PARD3B: variants seen among roughly 807,000 people sequenced by gnomAD.
The protein encoded by PARD3B is par-3 family cell polarity regulator beta.
A neutral mutation model predicts 130.2 loss-of-function variants in PARD3B; 103 were observed. The observed-to-expected ratio is 0.79, with a 90% confidence interval of 0.67 to 0.93. The LOEUF is 0.93. Among genes scored for constraint, PARD3B ranks in the 40% least tolerant of loss-of-function variants. The pLI is 0.00. For missense variants in PARD3B, 1,609 were observed against 1,499.2 expected, an observed-to-expected ratio of 1.07 and a Z score of -1.21; for synonymous variants, 583 against 553.2, an observed-to-expected ratio of 1.05 and a Z score of -0.76.
In PARD3B at chr2:204,792,271, C is replaced by G. The variant is rs183684150; in HGVS notation, c.222+105989C>G. Among the ~76,000 whole-genome samples, 3 of 152,206 alleles carry G rather than the reference C, an allele frequency of 2.0e-5. No individual in the cohort carries two copies. The East Asian group carries it at 5.8e-4, about 29-fold the overall frequency. On this transcript the variant is annotated intron_variant, in intron 2 of 22. Transcript: ENST00000406610. ...ACTTTATGGGTAAAAGCACAAATAT[C>G]AGAACATATTGTATTTCACCTATCA...
At chr2:205,100,530 C>A (rs1702700875) in intron 4 of PARD3B, among the ~76,000 whole-genome samples, 1 of 151,750 alleles carries the variant, frequency 6.6e-6, no homozygotes, top group African/African-American at 2.4e-5. Flanking sequence ...ATAGCCAAAG[C>A]AATCTTGAAA....
At chr2:205,314,492 C>T (rs920058656) in intron 18 of PARD3B, among the ~76,000 whole-genome samples, 1 of 152,146 alleles carries the variant, frequency 6.6e-6, no homozygotes, top group Non-Finnish European at 1.5e-5. Context: ...ATCAAACCAG[C>T]AATTTAGTAA....
At chr2:205,599,160 A>G (rs897406053) in intron 22 of PARD3B, among the ~76,000 whole-genome samples, 2 of 152,238 alleles carry the variant, frequency 1.3e-5, no homozygotes, top group Non-Finnish European at 2.9e-5. Flanking sequence ...ATTTCTTTCA[A>G]CAGAAAGTGA....
chr2:205,194,745 G>A (rs2036577638), intron 15 of PARD3B, among the ~76,000 whole-genome samples: 1 of 151,856 alleles, frequency 6.6e-6, no homozygotes, highest in African/African-American at 2.4e-5. Context: ...AAAGACATGT[G>A]CAGAATCAAT....
chr2:205,266,852 G>C (rs1447741080), intron 16 of PARD3B, among the ~76,000 whole-genome samples: 1 of 152,088 alleles, frequency 6.6e-6, no homozygotes, highest in Non-Finnish European at 1.5e-5. Flanking sequence ...TTCAGACTCA[G>C]GTTGAGGGAA....
chr2:205,106,429 A>G (rs1341685371), intron 5 of PARD3B, among the ~76,000 whole-genome samples: 4 of 151,996 alleles, frequency 2.6e-5, no homozygotes, highest in Non-Finnish European at 5.9e-5. Flanking sequence ...GATTACAGGC[A>G]TGAGCTACCA....
At chr2:205,095,301 A>T in intron 4 of PARD3B, among the ~76,000 whole-genome samples, 1 of 152,256 alleles carries the variant, frequency 6.6e-6, no homozygotes. Flanking sequence ...GATTATAAAC[A>T]TGTTTATATC....
chr2:205,058,640 CTG>C (rs1243098675), intron 4 of PARD3B, among the ~76,000 whole-genome samples: 3 of 151,902 alleles, frequency 2.0e-5, no homozygotes, highest in Admixed American at 6.6e-5. Context: ...ATCCTAATGA[CTG>C]TGAGGTGATA....
At position 204,689,347 on chromosome 2, in the gene PARD3B, ACTACTT is replaced by A. The variant is rs1324745932; in HGVS notation, c.222+3069_222+3074del. ...GGGGACCAAGTCTCCACTGTGTTAC[ACTACTT>A]CTAGCCTATATGTGTCAAAATATTA... On this transcript the variant is annotated intron_variant, in intron 2 of 22. Coordinates refer to ENST00000406610, the MANE Select transcript of PARD3B (RefSeq NM_001302769.2). The surrounding 1 kb of genome is among the most constrained non-coding windows in gnomAD (Gnocchi z 5.2). 6.6e-6 allele frequency among the ~76,000 whole-genome samples: 1 copy of A among 152,110 alleles called. No individual in the cohort carries two copies. The highest frequency in any genetic ancestry group is 1.5e-5 in the Non-Finnish European group (1 of 68,014).
chr2:205,047,204 A>G (rs1052974683), intron 3 of PARD3B, among the ~76,000 whole-genome samples: 6 of 152,168 alleles, frequency 3.9e-5, no homozygotes, highest in South Asian at 2.1e-4. Flanking sequence ...TTGAATGGCA[A>G]ATTACACTGA....
chr2:205,186,720 T>C (rs562423368), intron 14 of PARD3B, among the ~76,000 whole-genome samples: 1 of 152,316 alleles, frequency 6.6e-6, no homozygotes, highest in Non-Finnish European at 1.5e-5. Context: ...ATTCTTATAC[T>C]TTTGAAGTCA....
Position 205,160,105 on chromosome 2 carries a change from G to C in PARD3B, c.1620+1198G>C, listed in dbSNP as rs1268965940. 6.6e-6 allele frequency among the ~76,000 whole-genome samples: 1 copy of C among 152,184 alleles called. No individual in the cohort carries two copies. The highest frequency in any genetic ancestry group is 1.9e-4 in the East Asian group (1 of 5,204). ...ACTTTTGTTTCAGACTAGATGTGGAGATAATGCCTTTTTCACTGGGAAATA... is the reference window on the plus strand; with the variant it reads ...ACTTTTGTTTCAGACTAGATGTGGACATAATGCCTTTTTCACTGGGAAATA... On this transcript the variant is annotated intron_variant, in intron 11 of 22. Transcript: ENST00000406610. This position sits in a 1 kb window ranked among gnomAD's most constrained non-coding sequence, Gnocchi z 4.0.
chr2:205,047,051 G>A (rs1024109896), intron 3 of PARD3B, among the ~76,000 whole-genome samples: 1 of 152,134 alleles, frequency 6.6e-6, no homozygotes, highest in African/African-American at 2.4e-5. Flanking sequence ...TAGGAGAAGA[G>A]GAAGAGAATG....
In PARD3B at chr2:205,268,974, A is replaced by G. The variant is rs188248732; in HGVS notation, c.2185+23152A>G. ...AGGTGTACCCAAGTATGAATAAAAT[A>G]AGTATAAATCATTCATTTTTCAAAA... On this transcript the variant is annotated intron_variant, in intron 16 of 22. Transcript: ENST00000406610. The surrounding 1 kb of genome is among the most constrained non-coding windows in gnomAD (Gnocchi z 4.1). Among the ~76,000 whole-genome samples the G allele has an allele frequency of 2.6e-4, 40 of 152,338 alleles. No homozygotes were observed. The highest frequency in any genetic ancestry group is 8.4e-4 in the African/African-American group (35 of 41,584).
At chr2:204,794,256 T>A (rs1272621423) in intron 2 of PARD3B, among the ~76,000 whole-genome samples, 1 of 152,246 alleles carries the variant, frequency 6.6e-6, no homozygotes, top group African/African-American at 2.4e-5. Context: ...ATAAATTTCA[T>A]GTAATGAAAA....
chr2:204,626,556 T>TA (rs1165755498), intron 1 of PARD3B, among the ~76,000 whole-genome samples: 4 of 152,064 alleles, frequency 2.6e-5, no homozygotes, highest in Admixed American at 2.6e-4. Flanking sequence ...TTTTTTTTTT[T>TA]ACATATTTAA....
rs576577652 is a variant in PARD3B at position 204,826,259 on chromosome 2, A to G, written c.223-138893A>G. 2.0e-5 allele frequency among the ~76,000 whole-genome samples: 3 copies of G among 152,308 alleles called. No individual in the cohort carries two copies. The East Asian group carries it at 5.8e-4, about 29-fold the overall frequency. ...TTCCAGGAGTTGTACCTCCATAGCT[A>G]GTGCTGCGTGCTCTTATAATGGAGC... On this transcript the variant is annotated intron_variant, in intron 2 of 22. Transcript: ENST00000406610.
intron 1 of PARD3B, among the ~76,000 whole-genome samples, chr2:204,573,668 A>G (rs1020257713): frequency 1.3e-5 from 2 of 152,180 alleles, no homozygotes; most frequent in African/African-American, 4.8e-5. Flanking sequence ...TGTGATTGGT[A>G]TACCATCAGA....
intron 21 of PARD3B, among the ~76,000 whole-genome samples, chr2:205,514,086 C>G (rs1261332000): frequency 6.6e-6 from 1 of 152,134 alleles, no homozygotes; most frequent in African/African-American, 2.4e-5. Flanking sequence ...TGCCCAACCT[C>G]TCCTTTTGAG....
Sources: gnomAD v4.1 joint callset for allele counts (sites outside exome capture counted in the v4.1 genomes callset) on GRCh38, gnomAD v4.1.1 for gene constraint, Gnocchi (gnomAD v3.1) non-coding constraint, MANE v1.5 for transcripts, NCBI Gene and HGNC (gene_info 2026-07-23, HGNC 2026-07-21) for gene names.